The following GNS variants were observed in gnomAD, a reference collection of about 807,000 sequenced individuals.
The protein encoded by GNS is N-acetylglucosamine-6-sulfatase.
A neutral mutation model predicts 69.7 loss-of-function variants in GNS; 40 were observed. That is an observed-to-expected ratio of 0.57 (90% confidence interval 0.45 to 0.75). The LOEUF (loss-of-function observed/expected upper bound fraction) is 0.75, where lower values mean the gene tolerates loss of function less well. GNS is among the 30% of genes least tolerant of loss of function. The pLI is 0.00. For synonymous variants in GNS, 243 were observed against 251.6 expected (o/e 0.97, Z 0.32); for missense variants, 565 against 685.5 (o/e 0.82, Z 1.96).
chr12:64,721,051 T>C lies in GNS; in HGVS notation c.1419+544A>G, dbSNP rs1046430929. 3.5e-4 allele frequency among the ~76,000 whole-genome samples: 54 copies of C among 152,300 alleles called. 1 individual carries two copies. The highest frequency in any genetic ancestry group is 2.6e-3 in the Admixed American group (40 of 15,298). ...TCTGTTCCAGATGGTCAGATGAGGG[T>C]TGCCAGATGGGGCAGGTGAGCATAT... On this transcript the variant is annotated intron_variant, in intron 12 of 13. Transcript: ENST00000258145.
chr12:64,728,916 G>T, intron 10 of GNS, 40 bp downstream of exon 10: 1 of 886,326 alleles, frequency 1.1e-6, no homozygotes, highest in Non-Finnish European at 1.9e-6. Flanking sequence ...AGAATTTATT[G>T]CGGTCTTGGC....
chr12:64,719,179 C>T (rs2136236214), intron 13 of GNS, among the ~76,000 whole-genome samples: 3 of 152,294 alleles, frequency 2.0e-5, no homozygotes, highest in Middle Eastern at 3.4e-3. Context: ...TTTTTCTACT[C>T]ATTCACATTC....
At chr12:64,736,346 A>G (rs1186827536) in intron 9 of GNS, among the ~76,000 whole-genome samples, 1 of 152,262 alleles carries the variant, frequency 6.6e-6, no homozygotes, top group Non-Finnish European at 1.5e-5. Context: ...CAAAGCATTC[A>G]TAAGGAAGAG....
rs1338188022 is a variant in GNS, at chr12:64,739,389, T to C, written c.986A>G (p.Tyr329Cys). ...TYIFYTSDNG[Y>C]HTGQFSLPID... ...CTACTCCTGCCTCTGACCTGTGTGA[T>C]AGCCATTGTCTGAGGTATAGAAGAT... The change falls in exon 8 of 14, where the codon TAT becomes TGT. Residue 329 changes from tyrosine (Y) to cysteine (C), a missense_variant. By Grantham distance (194) the Tyr-to-Cys change is radical. Around this residue, in one of 2 missense-constraint regions of GNS, gnomAD observed 384 missense variants for 511.0 expected, o/e 0.75. Transcript: ENST00000258145. The C allele has an allele frequency of 2.0e-6, 3 of 1,481,666 alleles. No individual in the cohort carries two copies. Among genetic ancestry groups the C allele is most frequent in the Non-Finnish European group, 2.8e-6 (3 of 1,058,912 alleles). 91.8% of individuals were successfully genotyped at this position (1,481,666 alleles called of 1,614,324 possible). A position where few individuals can be genotyped will look rare whatever the true frequency, so the allele number is the denominator to read the frequency against.
chr12:64,721,788 G>GA, intron 11 of GNS, 83 bp from the exon 12 acceptor site: 1 of 791,792 alleles, frequency 1.3e-6, no homozygotes, highest in Non-Finnish European at 2.3e-6. Flanking sequence ...CAATCGGCTT[G>GA]GCTCATGCCG....
At chr12:64,758,472 G>A (rs1391529831) in intron 1 of GNS, among the ~76,000 whole-genome samples, 2 of 151,864 alleles carry the variant, frequency 1.3e-5, no homozygotes, top group African/African-American at 4.8e-5. Flanking sequence ...ACAGCTGCGC[G>A]CCACCACGCC....
intron 1 of GNS, among the ~76,000 whole-genome samples, chr12:64,754,179 ATGG>A (rs1278712727): frequency 6.6e-6 from 1 of 152,228 alleles, no homozygotes; most frequent in African/African-American, 2.4e-5. Context: ...CAGAGGATAG[ATGG>A]TCCTCGCCCT....
Position 64,745,521 on chromosome 12 carries a change from C to CAA in GNS, c.525+136_525+137dup, listed in dbSNP as rs1297671572. On this transcript the variant is annotated intron_variant, in intron 4 of 13. Transcript: ENST00000258145. Reference sequence around the variant, plus strand: ...AGGCGTGAGCCACTACACCTGGCCACAAGTCAATAAATTTTAAGGTTTTTA... The same window carrying CAA: ...AGGCGTGAGCCACTACACCTGGCCACAAAAGTCAATAAATTTTAAGGTTTTTA... 3 of 731,734 alleles carry CAA rather than the reference C, an allele frequency of 4.1e-6. No homozygotes were observed. In the East Asian group the frequency reaches 7.9e-5, roughly 19 times the overall value. The allele number at this position is 731,734 out of a possible 1,614,324, so 45.3% of individuals were successfully genotyped here.
At chr12:64,739,819 T>C (rs1869674950) in intron 7 of GNS, among the ~76,000 whole-genome samples, 3 of 152,356 alleles carry the variant, frequency 2.0e-5, no homozygotes, top group African/African-American at 7.2e-5. Flanking sequence ...TTACTTTTTA[T>C]TGGCAATAGT....
intron 13 of GNS, 91 bp from the exon 14 acceptor site, chr12:64,716,910 A>C (rs1173693350): frequency 1.2e-6 from 1 of 838,374 alleles, no homozygotes; most frequent in African/African-American, 1.7e-5. Flanking sequence ...AAGGGGTGTA[A>C]AAGAAACAAA....
intron 11 of GNS, among the ~76,000 whole-genome samples, chr12:64,722,283 GC>G (rs1869055341): frequency 6.6e-6 from 1 of 152,084 alleles, no homozygotes; most frequent in African/African-American, 2.4e-5. Flanking sequence ...CTCCCAAAGT[GC>G]TAGGATTACA....
intron 8 of GNS, 66 bp from the exon 9 acceptor site, chr12:64,737,173 C>G (rs1869580289): frequency 4.5e-6 from 4 of 881,292 alleles, no homozygotes; most frequent in Non-Finnish European, 5.8e-6. Context: ...TTATGTTTCA[C>G]TCATTTAATC....
intron 4 of GNS, among the ~76,000 whole-genome samples, chr12:64,745,204 CTTTTTTTT>C (rs141453545): frequency 1.2e-4 from 5 of 42,298 alleles, no homozygotes; most frequent in Admixed American, 3.7e-4. Flanking sequence ...AGTCAATAGA[CTTTTTTTT>C]TTTTTTTTTT....
In GNS at chr12:64,725,449, A is replaced by G. The variant is rs115121641; in HGVS notation, c.1201-2336T>C. Reference sequence around the variant, plus strand: ...AAACATTCTCGATCTTTGCTGTTCAATATGATGGCTACTGAGCACATGATG... The same window carrying G: ...AAACATTCTCGATCTTTGCTGTTCAGTATGATGGCTACTGAGCACATGATG... On this transcript the variant is annotated intron_variant, in intron 10 of 13. Transcript: ENST00000258145. 4.1e-3 allele frequency among the ~76,000 whole-genome samples: 628 copies of G among 152,352 alleles called. 7 individuals carry two copies. Among genetic ancestry groups the G allele is most frequent in the African/African-American group, 0.014 (586 of 41,588 alleles).
chr12:64,733,775 C>A (rs1304476832), intron 9 of GNS, among the ~76,000 whole-genome samples: 1 of 152,224 alleles, frequency 6.6e-6, no homozygotes, highest in East Asian at 1.9e-4. Flanking sequence ...AGTTCTATTT[C>A]CCTGGGACGG....
intron 9 of GNS, among the ~76,000 whole-genome samples, chr12:64,734,827 G>T (rs1433078542): frequency 1.3e-5 from 2 of 152,212 alleles, no homozygotes; most frequent in Admixed American, 6.5e-5. Context: ...TTGTGACCAG[G>T]CATGGTGGCT....
In GNS at chr12:64,754,060, G is replaced by C. The variant is rs375978458; in HGVS notation, c.193-1303C>G. On this transcript the variant is annotated intron_variant, in intron 1 of 13. Transcript: ENST00000258145. Reference sequence around the variant, plus strand: ...CTGTATGGGACTTAATTGTCAAACTGTCTGATAAATATGTAAAATTATGAA... The same window carrying C: ...CTGTATGGGACTTAATTGTCAAACTCTCTGATAAATATGTAAAATTATGAA... Among the ~76,000 whole-genome samples, 19 of 152,350 alleles carry C rather than the reference G, an allele frequency of 1.2e-4. No individual in the cohort carries two copies. The South Asian group carries it at 3.7e-3, about 30-fold the overall frequency.
At chr12:64,753,472 A>G (rs1870145266) in intron 1 of GNS, among the ~76,000 whole-genome samples, 1 of 152,240 alleles carries the variant, frequency 6.6e-6, no homozygotes, top group South Asian at 2.1e-4. Context: ...TACGAATAAA[A>G]GGAACACTAA....
Position 64,720,021 on chromosome 12 carries a change from C to A in GNS, c.1580+1G>T. 1 of 1,611,012 alleles carries A rather than the reference C, an allele frequency of 6.2e-7. No homozygotes were observed. Among genetic ancestry groups the A allele is most frequent in the Non-Finnish European group, 8.5e-7 (1 of 1,177,180 alleles). ...AGTAAATGAAGAGAAAGGAAACTTA[C>A]CCGGGGTCAAAAACCCCTGGAGTGC... On this transcript the variant is annotated splice_donor_variant, in intron 13 of 13. Transcript: ENST00000258145. LOFTEE classifies it high-confidence loss of function.
Sources: allele counts gnomAD v4.1 joint callset (sites outside exome capture counted in the v4.1 genomes callset), GRCh38; gene constraint gnomAD v4.1.1; regional missense constraint gnomAD v4.1.1; transcripts MANE v1.5; gene names NCBI Gene and HGNC (gene_info 2026-07-23, HGNC 2026-07-21).